PDXDC1: variants seen among roughly 807,000 people sequenced by gnomAD.
PDXDC1 encodes pyridoxal dependent decarboxylase domain containing 1.
PDXDC1 carries 42 observed loss-of-function variants against 100.1 expected under a neutral mutation model. The ratio of observed to expected loss-of-function variants is 0.42; its 90% confidence interval spans 0.33 to 0.54. The LOEUF is 0.54. PDXDC1 is among the 20% of genes least tolerant of loss of function. The pLI is 0.10. For synonymous variants in PDXDC1, 260 were observed against 371.7 expected (o/e 0.70, Z 3.46); for missense variants, 636 against 979.2 (o/e 0.65, Z 4.68).
intron 16 of PDXDC1, chr16:15,131,570 G>A (rs575992380): frequency 2.0e-5 from 32 of 1,608,446 alleles, no homozygotes; most frequent in East Asian, 1.8e-4. Context: ...TTGAGCACGC[G>A]GGAGCGCGTG....
At chr16:15,042,805 T>C (rs2043880518), downstream of PDXDC1, among the ~76,000 whole-genome samples, 1 of 152,010 alleles carries the variant, frequency 6.6e-6, no homozygotes. Flanking sequence ...TGATCTCAGC[T>C]CACTGCAACC....
intron 16 of PDXDC1, among the ~76,000 whole-genome samples, chr16:15,128,959 A>C (rs62039546): frequency 0.78 from 115,248 of 147,992 alleles, 45,965 homozygotes; most frequent in Admixed American, 0.87. Context: ...GCGCCTGCCA[A>C]CACGCCGGCC....
chr16:15,072,849 G>C, intron 16 of PDXDC1: 2 of 1,203,932 alleles, frequency 1.7e-6, no homozygotes, highest in East Asian at 2.4e-5. Context: ...TCAAAGAAAA[G>C]AATTATTTAC....
intron 16 of PDXDC1, chr16:15,126,097 C>T: frequency 2.0e-6 from 1 of 494,584 alleles, no homozygotes. Context: ...TGCACTGGCG[C>T]AATCTCAGCT....
intron 16 of PDXDC1, among the ~76,000 whole-genome samples, chr16:15,031,000 G>A (rs2043025476): frequency 6.6e-6 from 1 of 151,454 alleles, no homozygotes; most frequent in Admixed American, 6.6e-5. Context: ...CACCCTGGCT[G>A]GAATGCAGTG....
chr16:15,131,170 G>A (rs777733686), intron 16 of PDXDC1: 8 of 1,589,044 alleles, frequency 5.0e-6, no homozygotes, highest in Non-Finnish European at 6.9e-6. Context: ...ACCGACGGAG[G>A]CCTGGGGCTG....
At chr16:14,983,601 C>G (rs1321344267) in intron 1 of PDXDC1, among the ~76,000 whole-genome samples, 1 of 144,630 alleles carries the variant, frequency 6.9e-6, no homozygotes, top group African/African-American at 2.5e-5. Flanking sequence ...AAAAAAAAAG[C>G]CTTCTCTTTG....
At chr16:14,991,001 C>A (rs1466564475) in intron 1 of PDXDC1, among the ~76,000 whole-genome samples, 3 of 152,286 alleles carry the variant, frequency 2.0e-5, no homozygotes, top group Non-Finnish European at 4.4e-5. Flanking sequence ...CTCGGCCTCC[C>A]AACGTGCTGG....
intron 16 of PDXDC1, among the ~76,000 whole-genome samples, chr16:15,087,568 C>T (rs1024162848): frequency 6.6e-6 from 1 of 152,260 alleles, no homozygotes; most frequent in Middle Eastern, 3.4e-3. Flanking sequence ...CAAACTCCCA[C>T]AGATCAACCA....
intron 6 of PDXDC1, among the ~76,000 whole-genome samples, chr16:15,007,842 G>A (rs2040914032): frequency 6.6e-6 from 1 of 152,292 alleles, no homozygotes; most frequent in African/African-American, 2.4e-5. Context: ...CAAAAGATGT[G>A]TAAGAGTGTT....
intron 8 of PDXDC1, among the ~76,000 whole-genome samples, chr16:15,014,144 T>C (rs1169293535): frequency 1.3e-5 from 2 of 151,890 alleles, no homozygotes; most frequent in African/African-American, 2.4e-5. Context: ...GAGGCTGAGA[T>C]TGCAGTGAGC....
At chr16:15,001,246 T>C (rs1973081119) in intron 3 of PDXDC1, among the ~76,000 whole-genome samples, 1 of 152,264 alleles carries the variant, frequency 6.6e-6, no homozygotes, top group African/African-American at 2.4e-5. Flanking sequence ...CCCAGCACTT[T>C]GGGAGGCCGA....
chr16:15,054,787 C>T (rs954560669), intron 16 of PDXDC1, among the ~76,000 whole-genome samples: 3 of 152,178 alleles, frequency 2.0e-5, no homozygotes, highest in Non-Finnish European at 4.4e-5. Context: ...GAGGACACTA[C>T]TCTTATCTGC....
intron 16 of PDXDC1, among the ~76,000 whole-genome samples, chr16:15,087,539 C>G (rs1321626555): frequency 6.6e-6 from 1 of 152,168 alleles, no homozygotes; most frequent in African/African-American, 2.4e-5. Context: ...TGAGTGCTTA[C>G]TATGCCATAT....
intron 16 of PDXDC1, among the ~76,000 whole-genome samples, chr16:15,078,366 C>A (rs2151796057): frequency 6.6e-6 from 1 of 152,220 alleles, no homozygotes; most frequent in African/African-American, 2.4e-5. Context: ...CCTGCTCCAT[C>A]CCCTCCTTCC....
At chr16:15,145,861 T>C in the PDXDC1 span, among the ~76,000 whole-genome samples, 1 of 152,124 alleles carries the variant, frequency 6.6e-6, no homozygotes, top group Non-Finnish European at 1.5e-5. Context: ...CAGCGGGCTG[T>C]TTTCATTCCA....
intron 1 of PDXDC1, among the ~76,000 whole-genome samples, chr16:14,990,640 CATT>C (rs1970562136): frequency 6.6e-6 from 1 of 152,284 alleles, no homozygotes; most frequent in South Asian, 2.1e-4. Context: ...GCATTGGAGT[CATT>C]GTTCACATTT....
intron 16 of PDXDC1, chr16:15,086,091 G>A (rs199627037): frequency 1.1e-5 from 18 of 1,573,436 alleles, no homozygotes; most frequent in Middle Eastern, 1.7e-4. Flanking sequence ...TAATAAAGAA[G>A]TATTAAAAAG....
intron 5 of PDXDC1, among the ~76,000 whole-genome samples, chr16:15,005,986 C>A (rs1324796514): frequency 1.3e-5 from 2 of 152,296 alleles, no homozygotes; most frequent in Non-Finnish European, 2.9e-5. Flanking sequence ...CCACACCCAG[C>A]CTCTAACTAG....
Sources: gnomAD v4.1 joint callset for allele counts (sites outside exome capture counted in the v4.1 genomes callset) on GRCh38, gnomAD v4.1.1 for gene constraint, MANE v1.5 for transcripts, NCBI Gene and HGNC (gene_info 2026-07-23, HGNC 2026-07-21) for gene names.